HDAC9: variants seen among roughly 807,000 people sequenced by gnomAD.
HDAC9 encodes the protein histone deacetylase 9.
HDAC9 carries 41 observed loss-of-function variants against 139.4 expected under a neutral mutation model. The ratio of observed to expected loss-of-function variants is 0.29; its 90% CI spans 0.23 to 0.38. The LOEUF (loss-of-function observed/expected upper bound fraction) is 0.38. Ranked by LOEUF, HDAC9 falls within the 10% of genes least tolerant of loss-of-function variation. HDAC9 has a pLI of 1.00. For missense variants in HDAC9, 1,147 were observed against 1,297.0 expected (o/e 0.88, Z 1.78); for synonymous variants, 517 against 476.2 (o/e 1.09, Z -1.12).
chr7:18,149,338 ATAAT>A (rs1030927855), intron 1 of HDAC9, among the ~76,000 whole-genome samples: 8 of 149,260 alleles, frequency 5.4e-5, no homozygotes, highest in African/African-American at 1.9e-4. Context: ...AATTCTTATA[ATAAT>A]TAATAATTTT....
chr7:18,714,327 C>A (rs917773885), intron 12 of HDAC9, among the ~76,000 whole-genome samples: 1 of 152,106 alleles, frequency 6.6e-6, no homozygotes, highest in Non-Finnish European at 1.5e-5. Context: ...TCTTATCAAC[C>A]CTGTTAAACT....
At chr7:18,745,642 G>A (rs1200631770) in intron 13 of HDAC9, among the ~76,000 whole-genome samples, 2 of 148,088 alleles carry the variant, frequency 1.4e-5, no homozygotes, top group South Asian at 2.1e-4. Context: ...CGCCTCCCGG[G>A]TTCACACCAT....
intron 25 of HDAC9, among the ~76,000 whole-genome samples, chr7:18,987,707 T>G (rs1433988458): frequency 6.6e-6 from 1 of 152,036 alleles, no homozygotes. Context: ...TGGACTCTTT[T>G]TGGTTGGTAA....
At chr7:18,239,712 A>G (rs531878440) in intron 2 of HDAC9, among the ~76,000 whole-genome samples, 1 of 152,308 alleles carries the variant, frequency 6.6e-6, no homozygotes, top group Non-Finnish European at 1.5e-5. Flanking sequence ...GTCTTCCTAT[A>G]GTTTAATCAA....
intron 1 of HDAC9, among the ~76,000 whole-genome samples, chr7:18,329,900 T>A (rs1279318424): frequency 6.6e-6 from 1 of 151,678 alleles, no homozygotes; most frequent in East Asian, 1.9e-4. Context: ...ACATTCTTAC[T>A]AGTTTTGCTT....
chr7:18,425,691 T>C (rs994750278), intron 1 of HDAC9, among the ~76,000 whole-genome samples: 2 of 152,192 alleles, frequency 1.3e-5, no homozygotes, highest in Non-Finnish European at 2.9e-5. Context: ...AGAGTTAGCA[T>C]TGAAATACTC....
At chr7:18,610,311 A>G (rs3887252) in intron 6 of HDAC9, among the ~76,000 whole-genome samples, 4,308 of 152,266 alleles carry the variant, frequency 0.028, 147 homozygotes, top group African/African-American at 0.079. Flanking sequence ...TTATCAATTC[A>G]GTGTATTTAA....
At chr7:18,607,495 T>C (rs1015675507) in intron 6 of HDAC9, among the ~76,000 whole-genome samples, 5 of 152,190 alleles carry the variant, frequency 3.3e-5, no homozygotes, top group Non-Finnish European at 7.4e-5. Flanking sequence ...AGCAAAAATA[T>C]ACTGCCCAGT....
intron 1 of HDAC9, among the ~76,000 whole-genome samples, chr7:18,116,887 G>A (rs1420804465): frequency 1.3e-5 from 2 of 152,306 alleles, no homozygotes; most frequent in Middle Eastern, 3.4e-3. Context: ...GATACAGTGA[G>A]TGGGAAATTT....
intron 2 of HDAC9, among the ~76,000 whole-genome samples, chr7:18,280,482 G>A (rs1456237983): frequency 1.3e-5 from 2 of 152,052 alleles, no homozygotes; most frequent in East Asian, 3.9e-4. Flanking sequence ...CAGCTACTCA[G>A]GAGGCTGAGG....
chr7:18,534,158 T>G (rs749568048), intron 2 of HDAC9, among the ~76,000 whole-genome samples: 2 of 152,190 alleles, frequency 1.3e-5, no homozygotes, highest in African/African-American at 4.8e-5. Flanking sequence ...AGCTCATCAT[T>G]TGTGTGGCAA....
At chr7:18,601,564 T>C (rs914476430) in intron 6 of HDAC9, among the ~76,000 whole-genome samples, 32 of 152,178 alleles carry the variant, frequency 2.1e-4, no homozygotes, top group African/African-American at 7.7e-4. Flanking sequence ...GTTCCCAATG[T>C]CAGGGGAAAG....
intron 2 of HDAC9, among the ~76,000 whole-genome samples, chr7:18,523,690 A>G (rs1383660563): frequency 6.6e-6 from 1 of 152,194 alleles, no homozygotes; most frequent in Non-Finnish European, 1.5e-5. Context: ...TTGGTTAGAA[A>G]TGGTGCTGTT....
intron 12 of HDAC9, among the ~76,000 whole-genome samples, chr7:18,724,762 G>A (rs1357096572): frequency 6.6e-6 from 1 of 152,132 alleles, no homozygotes; most frequent in African/African-American, 2.4e-5. Flanking sequence ...GCTGTCTTTA[G>A]TATCTGTCTC....
rs553084119 is a variant in HDAC9, at chr7:18,792,270, A to T, written c.2215-1075A>T. Among the ~76,000 whole-genome samples, 859 of 146,466 alleles carry T rather than the reference A, an allele frequency of 5.9e-3. 9 individuals are homozygous for T. The highest frequency in any genetic ancestry group is 0.019 in the African/African-American group (737 of 38,588). On this transcript the variant is annotated intron_variant, in intron 16 of 25. Coordinates refer to ENST00000686413, the MANE Select transcript of HDAC9 (RefSeq NM_178425.4). ...GCATTTAATTCTCTTTTTTTTTTAA[A>T]AAAAAAAAAAAAAGCTTTGTTTTAT...
chr7:18,942,141 A>G (rs1428977441), intron 23 of HDAC9, among the ~76,000 whole-genome samples: 1 of 152,082 alleles, frequency 6.6e-6, no homozygotes, highest in Non-Finnish European at 1.5e-5. Context: ...TTTGTGCCCA[A>G]AAGTTTCAAT....
chr7:18,307,838 T>C (rs1405400236), intron 1 of HDAC9, among the ~76,000 whole-genome samples: 2 of 152,174 alleles, frequency 1.3e-5, no homozygotes, highest in Admixed American at 6.5e-5. Flanking sequence ...AAAAAAATCG[T>C]AATTATTATT....
chr7:18,665,634 C>G (rs1438611886), intron 11 of HDAC9, among the ~76,000 whole-genome samples: 1 of 152,000 alleles, frequency 6.6e-6, no homozygotes, highest in Non-Finnish European at 1.5e-5. Flanking sequence ...TCATACACCT[C>G]TTTAAAGTTC....
chr7:18,950,229 T>G (rs1465196474), intron 23 of HDAC9, among the ~76,000 whole-genome samples: 1 of 152,130 alleles, frequency 6.6e-6, no homozygotes, highest in Non-Finnish European at 1.5e-5. Context: ...ATGGCCATTC[T>G]GCCTCTACTT....
Sources: gnomAD v4.1 joint callset for allele counts (sites outside exome capture counted in the v4.1 genomes callset) on GRCh38, gnomAD v4.1.1 for gene constraint, MANE v1.5 for transcripts, NCBI Gene and HGNC (gene_info 2026-07-23, HGNC 2026-07-21) for gene names.